Variants in KALRN observed in about 807,000 individuals in gnomAD.
KALRN encodes kalirin RhoGEF kinase.
KALRN carries 70 observed loss-of-function variants against 353.7 expected under a neutral mutation model. The observed-to-expected ratio is 0.20, with a 90% CI of 0.16 to 0.24. KALRN has a LOEUF of 0.24. KALRN is among the 10% of genes least tolerant of loss of function. The pLI is 1.00. For synonymous variants in KALRN, 1,391 were observed against 1,434.8 expected, an observed-to-expected ratio of 0.97 and a Z score of 0.69; for missense variants, 2,791 against 3,756.7, an observed-to-expected ratio of 0.74 and a Z score of 6.72.
chr3:124,702,118 T>C lies in KALRN; in HGVS notation c.8075+2T>C. On this transcript the variant is annotated splice_donor_variant, in intron 57 of 59. Coordinates refer to ENST00000682506, the MANE Select transcript of KALRN (RefSeq NM_001388419.1). LOFTEE classifies it high-confidence loss of function. ...CACTGAGCTGAATGAAATTGGAAGG[T>C]AATGACACAGTTTTATATTCCTTCA... 6.2e-7 allele frequency: 1 copy of C among 1,606,288 alleles called. No individual in the cohort carries two copies. Among genetic ancestry groups the C allele is most frequent in the Non-Finnish European group, 8.5e-7 (1 of 1,173,452 alleles).
chr3:124,383,593 A>C (rs188880878), intron 10 of KALRN, among the ~76,000 whole-genome samples: 6 of 152,114 alleles, frequency 3.9e-5, no homozygotes, highest in African/African-American at 1.4e-4. Context: ...TTTTTTTTTA[A>C]ATAAGGACAC....
intron 1 of KALRN, among the ~76,000 whole-genome samples, chr3:124,188,151 C>A (rs2074447950): frequency 6.6e-6 from 1 of 152,182 alleles, no homozygotes; most frequent in South Asian, 2.1e-4. Flanking sequence ...GCATTTAGAA[C>A]AAACTTAAAC....
At chr3:124,705,042 C>T (rs2062531266) in intron 57 of KALRN, among the ~76,000 whole-genome samples, 1 of 152,190 alleles carries the variant, frequency 6.6e-6, no homozygotes, top group Admixed American at 6.5e-5. Flanking sequence ...TCCTACAGCA[C>T]ATCCATAGAA....
intron 10 of KALRN, among the ~76,000 whole-genome samples, chr3:124,359,110 A>G (rs565984479): frequency 6.6e-6 from 1 of 152,160 alleles, no homozygotes; most frequent in Non-Finnish European, 1.5e-5. Context: ...TCAGACTATC[A>G]TGAAGGGTCA....
intron 2 of KALRN, among the ~76,000 whole-genome samples, chr3:124,229,297 A>T (rs1481275524): frequency 6.6e-6 from 1 of 152,248 alleles, no homozygotes; most frequent in Non-Finnish European, 1.5e-5. Flanking sequence ...AGTTGTTCTC[A>T]AACAATAAGG....
intron 34 of KALRN, among the ~76,000 whole-genome samples, chr3:124,608,523 T>A (rs2077595721): frequency 6.6e-6 from 1 of 152,110 alleles, no homozygotes; most frequent in South Asian, 2.1e-4. Context: ...ACTTACAGCA[T>A]CCTGTCTCCC....
intron 1 of KALRN, among the ~76,000 whole-genome samples, chr3:124,193,814 C>T (rs2075171333): frequency 6.6e-6 from 1 of 152,080 alleles, no homozygotes; most frequent in African/African-American, 2.4e-5. Context: ...AGTTTGAGCT[C>T]ACAAAGTATA....
At chr3:124,671,451 C>T (rs898283978) in intron 47 of KALRN, among the ~76,000 whole-genome samples, 2 of 152,204 alleles carry the variant, frequency 1.3e-5, no homozygotes, top group Non-Finnish European at 2.9e-5. Context: ...CTTTGCACAA[C>T]CCTTGGCACC....
rs116009364 is a variant in KALRN at position 124,646,189 on chromosome 3, T to A, written c.5665-4619T>A. Among the ~76,000 whole-genome samples, 925 of 152,132 alleles carry A rather than the reference T, an allele frequency of 6.1e-3. 4 individuals are homozygous for A. The highest frequency in any genetic ancestry group is 9.6e-3 in the Non-Finnish European group (651 of 67,988). On this transcript the variant is annotated intron_variant, in intron 37 of 59. Transcript: ENST00000682506. ...ACATGAGCTTTGATCTCTTCCCAAG[T>A]TACATAGCATATTTAATAAATTCTT...
chr3:124,416,638 C>T (rs1394306934), intron 14 of KALRN, among the ~76,000 whole-genome samples: 1 of 152,208 alleles, frequency 6.6e-6, no homozygotes, highest in Admixed American at 6.5e-5. Context: ...TAACTTACTT[C>T]TGGGCTTAGG....
chr3:124,057,530 A>G (rs976769719), intron 1 of KALRN, among the ~76,000 whole-genome samples: 2 of 152,134 alleles, frequency 1.3e-5, no homozygotes, highest in Admixed American at 1.3e-4. Flanking sequence ...GAGCAGGAAG[A>G]GAGAGGGGAA....
intron 28 of KALRN, among the ~76,000 whole-genome samples, chr3:124,488,002 T>G (rs968236175): frequency 6.6e-6 from 1 of 152,160 alleles, no homozygotes; most frequent in Admixed American, 6.6e-5. Context: ...TGGGCTAGAT[T>G]GGGCTGAGAA....
chr3:124,363,086 T>C (rs1485435134), intron 10 of KALRN, among the ~76,000 whole-genome samples: 1 of 152,130 alleles, frequency 6.6e-6, no homozygotes, highest in Admixed American at 6.5e-5. Context: ...TCTAAAAATA[T>C]GTACAACTAT....
chr3:124,713,911 A>C (rs1424438481), intron 58 of KALRN, among the ~76,000 whole-genome samples: 1 of 152,064 alleles, frequency 6.6e-6, no homozygotes, highest in African/African-American at 2.4e-5. Flanking sequence ...AAGTGCCTGC[A>C]TTTTCAGCTT....
chr3:124,264,757 C>G, intron 4 of KALRN, 67 bp downstream of exon 4: 1 of 1,368,216 alleles, frequency 7.3e-7, no homozygotes, highest in Non-Finnish European at 1.0e-6. Flanking sequence ...ACATTTCTCA[C>G]GTCCTCTTCT....
intron 51 of KALRN, among the ~76,000 whole-genome samples, chr3:124,692,598 G>A (rs2150582678): frequency 6.6e-6 from 1 of 152,278 alleles, no homozygotes; most frequent in South Asian, 2.1e-4. Flanking sequence ...TTAAAGGTAA[G>A]CCACTTTAAT....
Position 124,678,345 on chromosome 3 carries a change from C to T in KALRN, c.7317+32C>T, listed in dbSNP as rs200223764. On this transcript the variant is annotated intron_variant, in intron 50 of 59. Coordinates refer to ENST00000682506, the MANE Select transcript of KALRN (RefSeq NM_001388419.1). ...AAGGTATTCCGGAGCTGCGTCCCCA[C>T]CTGTCATCCACTCCCACCCTGCAGC... 312 of 1,610,190 alleles carry T rather than the reference C, an allele frequency of 1.9e-4. No homozygotes were observed. In the African/African-American group the frequency reaches 3.2e-3, roughly 17 times the overall value.
intron 1 of KALRN, among the ~76,000 whole-genome samples, chr3:124,210,116 T>C (rs1579425935): frequency 6.6e-6 from 1 of 152,216 alleles, no homozygotes. Context: ...TCTCTGTATC[T>C]CAGTTTTTCC....
chr3:124,715,628 G>A (rs946867274), intron 58 of KALRN, among the ~76,000 whole-genome samples: 1 of 152,244 alleles, frequency 6.6e-6, no homozygotes, highest in Non-Finnish European at 1.5e-5. Context: ...CTTTGCTCCT[G>A]TCAGGGAAAG....
Sources: gnomAD v4.1 joint callset for allele counts (sites outside exome capture counted in the v4.1 genomes callset) on GRCh38, gnomAD v4.1.1 for gene constraint, MANE v1.5 for transcripts, NCBI Gene and HGNC (gene_info 2026-07-23, HGNC 2026-07-21) for gene names.